TANGO6: variants seen among roughly 807,000 people sequenced by gnomAD.
TANGO6 encodes transport and golgi organization 6 homolog, also known as transport and Golgi organization protein 6 homolog.
Under a neutral mutation model 114.2 loss-of-function variants are expected in TANGO6, and 90 were observed. The observed-to-expected ratio is 0.79, with a 90% confidence interval of 0.66 to 0.94. The LOEUF is 0.94. Among genes scored for constraint, TANGO6 ranks in the 40% least tolerant of loss-of-function variants. The pLI, the probability that TANGO6 is intolerant of heterozygous loss-of-function variation, is 0.00. For synonymous variants in TANGO6, 477 were observed against 509.8 expected, an observed-to-expected ratio of 0.94 and a Z score of 0.87; for missense variants, 1,274 against 1,315.3, an observed-to-expected ratio of 0.97 and a Z score of 0.49.
At chr16:69,067,623 G>C (rs1239081573) in intron 17 of TANGO6, among the ~76,000 whole-genome samples, 2 of 150,518 alleles carry the variant, frequency 1.3e-5, no homozygotes, top group African/African-American at 2.4e-5. Context: ...TTGGAGACCA[G>C]CCTGGGCAAC....
At chr16:68,892,290 C>T (rs189751586) in intron 7 of TANGO6, among the ~76,000 whole-genome samples, 2 of 152,194 alleles carry the variant, frequency 1.3e-5, no homozygotes, top group African/African-American at 4.8e-5. Context: ...GGCTTAACCA[C>T]AGACGCCTCA....
chr16:68,899,009 A>G (rs376049424), intron 7 of TANGO6, among the ~76,000 whole-genome samples: 2 of 151,108 alleles, frequency 1.3e-5, no homozygotes, highest in African/African-American at 4.9e-5. Flanking sequence ...GCAGTGGCTC[A>G]TACCTGTAAT....
chr16:69,054,133 G>T (rs866460656), intron 17 of TANGO6, among the ~76,000 whole-genome samples: 1 of 152,304 alleles, frequency 6.6e-6, no homozygotes, highest in African/African-American at 2.4e-5. Context: ...TCCGGAAGAT[G>T]AGTGGAAAGA....
At chr16:69,057,531 G>A (rs1053974823) in intron 17 of TANGO6, among the ~76,000 whole-genome samples, 1 of 152,066 alleles carries the variant, frequency 6.6e-6, no homozygotes, top group East Asian at 1.9e-4. Flanking sequence ...TTAAATGGCA[G>A]GCCAATAGAT....
At chr16:68,850,297 T>G (rs563423592) in intron 1 of TANGO6, among the ~76,000 whole-genome samples, 2 of 152,224 alleles carry the variant, frequency 1.3e-5, no homozygotes, top group Non-Finnish European at 2.9e-5. Flanking sequence ...ATCCTATATT[T>G]TATATTTTTA....
intron 12 of TANGO6, among the ~76,000 whole-genome samples, chr16:68,922,954 T>TTG (rs1963116314): frequency 7.0e-6 from 1 of 142,624 alleles, no homozygotes; most frequent in Non-Finnish European, 1.5e-5. Context: ...TTTTTTTTTT[T>TTG]TTTTTTTTTT....
At chr16:68,909,580 T>C (rs1962896980) in intron 11 of TANGO6, 178 bp downstream of exon 11, 2 of 479,162 alleles carry the variant, frequency 4.2e-6, no homozygotes. Flanking sequence ...AACGTTCCAG[T>C]GTCCTGAGAC....
rs142221566 is a variant in TANGO6, at chr16:68,904,077, T to C, written c.1667+1573T>C. On this transcript the variant is annotated intron_variant, in intron 9 of 17. Transcript: ENST00000261778. Reference sequence around the variant, plus strand: ...TTTAAAGCGTGACTAAAGTAGTGCTTCTTAAGATAATTGTCATGTGTTTTT... The same window carrying C: ...TTTAAAGCGTGACTAAAGTAGTGCTCCTTAAGATAATTGTCATGTGTTTTT... Among the ~76,000 whole-genome samples, 97 of 152,268 alleles carry C rather than the reference T, an allele frequency of 6.4e-4. 1 individual carries two copies. The East Asian group carries it at 0.012, about 19-fold the overall frequency.
chr16:68,981,572 G>A (rs1445325484), intron 15 of TANGO6, among the ~76,000 whole-genome samples: 1 of 152,124 alleles, frequency 6.6e-6, no homozygotes, highest in Non-Finnish European at 1.5e-5. Flanking sequence ...ATATGTTCCT[G>A]ATATTACTAT....
chr16:68,919,128 GCCTGGCCC>G lies in TANGO6; in HGVS notation c.2037_2044del (p.Ser679ArgfsTer33). ...GCAACATTGCAGAGAGCCTGTGCAA[GCCTGGCCC>G]ATCAGGCAGAGAGCACCGTGGAATC... On this transcript the variant is annotated frameshift_variant, in exon 12 of 18. Transcript: ENST00000261778. LOFTEE classifies it high-confidence loss of function. 6.2e-7 allele frequency: 1 copy of G among 1,613,234 alleles called. No homozygotes were observed. The highest frequency in any genetic ancestry group is 8.5e-7 in the Non-Finnish European group (1 of 1,179,656).
chr16:68,912,841 C>G (rs890766168), intron 11 of TANGO6, among the ~76,000 whole-genome samples: 1 of 146,186 alleles, frequency 6.8e-6, no homozygotes, highest in South Asian at 2.2e-4. Context: ...TTTGGGAGGC[C>G]GAGGTGAGCG....
chr16:69,056,997 CTTTTTTTTTTTTTTTT>C (rs71148961), intron 17 of TANGO6, among the ~76,000 whole-genome samples: 56 of 59,832 alleles, frequency 9.4e-4, no homozygotes, highest in South Asian at 2.2e-3. Context: ...GCCTGATTTT[CTTTTTTTTTTTTTTTT>C]TTTTTTTTTT....
intron 12 of TANGO6, among the ~76,000 whole-genome samples, chr16:68,925,349 CA>C (rs1179148437): frequency 6.6e-6 from 1 of 152,144 alleles, no homozygotes; most frequent in East Asian, 1.9e-4. Flanking sequence ...TGACTTATGA[CA>C]TTGAGTATGT....
intron 17 of TANGO6, among the ~76,000 whole-genome samples, chr16:69,058,929 CAT>C (rs1349221512): frequency 7.0e-6 from 1 of 143,444 alleles, no homozygotes; most frequent in Non-Finnish European, 1.5e-5. Context: ...TTTTTTGAGA[CAT>C]AGTTTTGCTC....
chr16:68,901,545 G>A (rs1962785766), intron 8 of TANGO6, among the ~76,000 whole-genome samples: 1 of 152,182 alleles, frequency 6.6e-6, no homozygotes, highest in Admixed American at 6.5e-5. Context: ...CTGGGGTGCA[G>A]TGGTGCGATC....
At chr16:69,079,329 A>AAAAT (rs1555530923) in intron 17 of TANGO6, among the ~76,000 whole-genome samples, 3 of 149,108 alleles carry the variant, frequency 2.0e-5, no homozygotes, top group Non-Finnish European at 4.5e-5. Context: ...AACTGTCTCA[A>AAAAT]AAACAAATAA....
At chr16:68,905,374 A>T (rs982460989) in intron 9 of TANGO6, among the ~76,000 whole-genome samples, 2 of 151,438 alleles carry the variant, frequency 1.3e-5, no homozygotes, top group African/African-American at 4.9e-5. Context: ...TGTCTCTACT[A>T]AAAATACAAA....
intron 14 of TANGO6, among the ~76,000 whole-genome samples, chr16:68,944,215 T>C (rs185940946): frequency 6.6e-6 from 1 of 152,342 alleles, no homozygotes; most frequent in Non-Finnish European, 1.5e-5. Flanking sequence ...TCTTTGAACT[T>C]TGAGAGCCCA....
Position 68,928,101 on chromosome 16 carries a change from T to C in TANGO6, c.2643+18T>C, listed in dbSNP as rs1327499777. On this transcript the variant is annotated intron_variant, in intron 13 of 17. Transcript: ENST00000261778. ...TTCTCAAGGTGAGTAGAACACACTG[T>C]AAAGACACATGGGCACAGGGTGGGG... 1 of 1,549,594 alleles carries C rather than the reference T, an allele frequency of 6.5e-7. No homozygotes were observed. Among genetic ancestry groups the C allele is most frequent in the African/African-American group, 1.4e-5 (1 of 72,936 alleles).
Sources: allele counts gnomAD v4.1 joint callset (sites outside exome capture counted in the v4.1 genomes callset), GRCh38; gene constraint gnomAD v4.1.1; transcripts MANE v1.5; gene names NCBI Gene and HGNC (gene_info 2026-07-23, HGNC 2026-07-21).